The following HTR7 variants were observed in gnomAD, a reference collection of about 807,000 sequenced individuals.
HTR7 encodes 5-hydroxytryptamine receptor 7.
A neutral mutation model predicts 34.0 loss-of-function variants in HTR7; 16 were observed. The observed-to-expected ratio is 0.47, with a 90% confidence interval of 0.32 to 0.71. The LOEUF (loss-of-function observed/expected upper bound fraction) is 0.71. HTR7 is among the 30% of genes least tolerant of loss of function. The pLI is 0.04. For missense variants in HTR7, 504 were observed against 625.5 expected, an observed-to-expected ratio of 0.81 and a Z score of 2.07; for synonymous variants, 265 against 260.2, an observed-to-expected ratio of 1.02 and a Z score of -0.18.
intron 1 of HTR7, among the ~76,000 whole-genome samples, chr10:90,855,264 C>G (rs1846560777): frequency 6.6e-6 from 1 of 152,200 alleles, no homozygotes; most frequent in Non-Finnish European, 1.5e-5. Context: ...AATGTCTTCT[C>G]AGTATTCAGG....
At chr10:90,752,301 C>T (rs1844751302) in intron 1 of HTR7, among the ~76,000 whole-genome samples, 1 of 151,992 alleles carries the variant, frequency 6.6e-6, no homozygotes, top group African/African-American at 2.4e-5. Flanking sequence ...GGAGATGATG[C>T]AATTAACAAC....
chr10:90,793,329 A>G (rs1419025824), intron 1 of HTR7, among the ~76,000 whole-genome samples: 1 of 151,978 alleles, frequency 6.6e-6, no homozygotes, highest in Non-Finnish European at 1.5e-5. Flanking sequence ...GAAAATCACA[A>G]TAACATACGG....
chr10:90,854,728 A>G (rs1333843872), intron 1 of HTR7, among the ~76,000 whole-genome samples: 1 of 152,208 alleles, frequency 6.6e-6, no homozygotes, highest in African/African-American at 2.4e-5. Flanking sequence ...TGGTTAAGAA[A>G]AATGAAAGGT....
At chr10:90,751,535 A>G in intron 1 of HTR7, among the ~76,000 whole-genome samples, 1 of 152,124 alleles carries the variant, frequency 6.6e-6, no homozygotes, top group African/African-American at 2.4e-5. Flanking sequence ...CCTCAGGTTC[A>G]CCAAGGAGTG....
At chr10:90,778,867 T>A (rs1386963879) in intron 1 of HTR7, among the ~76,000 whole-genome samples, 2 of 152,206 alleles carry the variant, frequency 1.3e-5, no homozygotes, top group East Asian at 3.8e-4. Context: ...TGAACTTGAA[T>A]TTTTTAGCTT....
chr10:90,827,611 C>G (rs190384976), intron 1 of HTR7, among the ~76,000 whole-genome samples: 82 of 152,026 alleles, frequency 5.4e-4, no homozygotes, highest in African/African-American at 1.9e-3. Flanking sequence ...GAATTCAAGA[C>G]AAAAATCATA....
intron 1 of HTR7, among the ~76,000 whole-genome samples, chr10:90,818,501 G>A (rs550868956): frequency 5.9e-5 from 9 of 152,066 alleles, no homozygotes; most frequent in South Asian, 2.1e-4. Context: ...AGCCGAGATC[G>A]CACCATTGCA....
intron 1 of HTR7, among the ~76,000 whole-genome samples, chr10:90,758,316 G>A (rs1844870087): frequency 1.0e-5 from 1 of 97,848 alleles, no homozygotes; most frequent in Non-Finnish European, 1.8e-5. Context: ...CTGCACTCCA[G>A]CCTGGGCGAC....
chr10:90,749,199 TC>T lies in HTR7; in HGVS notation c.934del (p.Glu312LysfsTer61). The T allele has an allele frequency of 6.2e-7, 1 of 1,614,096 alleles. No homozygotes were observed. Among genetic ancestry groups the T allele is most frequent in the Non-Finnish European group, 8.5e-7 (1 of 1,180,020 alleles). On this transcript the variant is annotated frameshift_variant, in exon 2 of 4. Transcript: ENST00000336152. LOFTEE classifies it high-confidence loss of function. The surrounding 1 kb of genome is among the most constrained non-coding windows in gnomAD (Gnocchi z 4.2). The stretch of plus-strand genomic sequence containing the variant: ...CTTAAAGATGGAGATGTTTTTCCTT[TC>T]ATGCTTGAGGAGTCTCGAAAGGTTT... The part of the protein sequence containing the change: ...CANLSRLLKH[E>X]RKNISIFKRE...
In HTR7 at chr10:90,841,610, A is replaced by G. The variant is rs544847636; in HGVS notation, c.539+15523T>C. ...AATTTATATTCTAATAATTATTATTAACATCATCTTCTTCTCTGAAAGGCA... is the reference window on the plus strand; with the variant it reads ...AATTTATATTCTAATAATTATTATTGACATCATCTTCTTCTCTGAAAGGCA... On this transcript the variant is annotated intron_variant, in intron 1 of 3. Coordinates refer to ENST00000336152, the MANE Select transcript of HTR7 (RefSeq NM_019859.4). Among the ~76,000 whole-genome samples, 258 of 152,316 alleles carry G rather than the reference A, an allele frequency of 1.7e-3. 1 individual carries two copies. Among genetic ancestry groups the G allele is most frequent in the Non-Finnish European group, 3.1e-3 (210 of 68,034 alleles).
In HTR7 at chr10:90,741,167, T is replaced by C. The variant is rs530124580; in HGVS notation, c.*1315A>G. ...GCTTTATTGTAGGAAAATAATATTC[T>C]CTTTCAGTTCACTCTTATCAAATAA... On this transcript the variant is annotated 3_prime_UTR_variant, in exon 4 of 4. Transcript: ENST00000336152. 1 of 152,728 alleles carries C rather than the reference T, an allele frequency of 6.5e-6. No homozygotes were observed. Among genetic ancestry groups the C allele is most frequent in the Non-Finnish European group, 1.5e-5 (1 of 68,024 alleles). The allele number at this position is 152,728 out of a possible 1,614,324, so 9.5% of individuals were successfully genotyped here. A position where few individuals can be genotyped will look rare whatever the true frequency, so the allele number is the denominator to read the frequency against.
rs531687015 is a variant in HTR7 at position 90,765,933 on chromosome 10, C to A, written c.540-16339G>T. The stretch of plus-strand genomic sequence containing the variant: ...TGAATTTGTGAAGCATATTTTGTGG[C>A]CTAACATATGATCTATCCTGGAAAA... On this transcript the variant is annotated intron_variant, in intron 1 of 3. Coordinates refer to ENST00000336152, the MANE Select transcript of HTR7 (RefSeq NM_019859.4). Among the ~76,000 whole-genome samples the A allele has an allele frequency of 1.6e-4, 25 of 152,228 alleles. 1 individual carries two copies. The South Asian group carries it at 5.2e-3, about 32-fold the overall frequency.
chr10:90,775,381 A>G (rs545410026), intron 1 of HTR7, among the ~76,000 whole-genome samples: 249 of 152,332 alleles, frequency 1.6e-3, no homozygotes, highest in Middle Eastern at 6.8e-3. Context: ...CTGTCCCAGC[A>G]GAGTCCTGCA....
At chr10:90,807,104 T>A (rs1845717284) in intron 1 of HTR7, among the ~76,000 whole-genome samples, 1 of 152,216 alleles carries the variant, frequency 6.6e-6, no homozygotes, top group Non-Finnish European at 1.5e-5. Flanking sequence ...TGGAGTAGTA[T>A]CTTGCATTTT....
chr10:90,748,774 G>A (rs1360686764), intron 2 of HTR7, 65 bp downstream of exon 2: 4 of 1,486,068 alleles, frequency 2.7e-6, no homozygotes, highest in Admixed American at 2.2e-5. Context: ...TTTCTGTGAT[G>A]TGCCTCAAAA....
chr10:90,805,897 T>C (rs1415762531), intron 1 of HTR7, among the ~76,000 whole-genome samples: 1 of 152,192 alleles, frequency 6.6e-6, no homozygotes, highest in Non-Finnish European at 1.5e-5. Flanking sequence ...TTAGGAATCT[T>C]TGATAAGTAA....
intron 1 of HTR7, among the ~76,000 whole-genome samples, chr10:90,793,068 T>C (rs1273902238): frequency 6.6e-6 from 1 of 152,116 alleles, no homozygotes; most frequent in Non-Finnish European, 1.5e-5. Flanking sequence ...AACAGAACTT[T>C]AAAACATCTG....
rs74998998 is a variant in HTR7 at position 90,814,139 on chromosome 10, T to C, written c.539+42994A>G. Among the ~76,000 whole-genome samples, 685 of 152,322 alleles carry C rather than the reference T, an allele frequency of 4.5e-3. 3 individuals are homozygous for C. The highest frequency in any genetic ancestry group is 0.014 in the African/African-American group (592 of 41,568). On this transcript the variant is annotated intron_variant, in intron 1 of 3. Transcript: ENST00000336152. ...AACCTCAGGTATTTACTCCAGACAA[T>C]GGTGCTGTTTCATAGCTAGCCTAGT...
At chr10:90,789,464 G>A (rs997852170) in intron 1 of HTR7, among the ~76,000 whole-genome samples, 1 of 152,146 alleles carries the variant, frequency 6.6e-6, no homozygotes, top group Non-Finnish European at 1.5e-5. Context: ...ACACATCAGT[G>A]CATCTGCCTG....
Sources: gnomAD v4.1 joint callset for allele counts (sites outside exome capture counted in the v4.1 genomes callset) on GRCh38, gnomAD v4.1.1 for gene constraint, Gnocchi (gnomAD v3.1) non-coding constraint, MANE v1.5 for transcripts, NCBI Gene and HGNC (gene_info 2026-07-23, HGNC 2026-07-21) for gene names.